The following HADHA variants were observed in gnomAD, a reference collection of about 807,000 sequenced individuals.
HADHA encodes the protein trifunctional enzyme subunit alpha, mitochondrial.
HADHA carries 59 observed loss-of-function variants against 91.3 expected under a neutral mutation model. The ratio of observed to expected loss-of-function variants is 0.65; its 90% CI spans 0.52 to 0.80. HADHA has a LOEUF of 0.80. Among genes scored for constraint, HADHA ranks in the 30% least tolerant of loss-of-function variants. The pLI, the probability that HADHA is intolerant of heterozygous loss-of-function variation, is 0.00. For synonymous variants in HADHA, 320 were observed against 338.9 expected, an observed-to-expected ratio of 0.94 and a Z score of 0.61; for missense variants, 800 against 927.6, an observed-to-expected ratio of 0.86 and a Z score of 1.79.
chr2:26,238,297 C>A (rs1408076771), intron 3 of HADHA, among the ~76,000 whole-genome samples: 1 of 152,086 alleles, frequency 6.6e-6, no homozygotes, highest in Admixed American at 6.5e-5. Context: ...AGCCACAGTG[C>A]CCAGCCTGGC....
chr2:26,200,503 C>T (rs1669801028), intron 13 of HADHA, among the ~76,000 whole-genome samples: 1 of 152,194 alleles, frequency 6.6e-6, no homozygotes, highest in Non-Finnish European at 1.5e-5. Context: ...TTCCCTATTT[C>T]CTTTGCAGCC....
intron 11 of HADHA, among the ~76,000 whole-genome samples, chr2:26,205,670 G>A (rs1669954354): frequency 6.6e-6 from 1 of 152,116 alleles, no homozygotes; most frequent in African/African-American, 2.4e-5. Flanking sequence ...TGGGTTTGGT[G>A]GTGTGCACCT....
At chr2:26,195,406 AG>A (rs899165617) in intron 14 of HADHA, among the ~76,000 whole-genome samples, 174 bp from the exon 15 acceptor site, 20 of 152,106 alleles carry the variant, frequency 1.3e-4, no homozygotes, top group African/African-American at 4.6e-4. Context: ...TAGTATGTTT[AG>A]GGAGAGCACA....
At chr2:26,237,185 C>T (rs543840360) in intron 3 of HADHA, among the ~76,000 whole-genome samples, 197 bp from the exon 4 acceptor site, 7 of 152,146 alleles carry the variant, frequency 4.6e-5, no homozygotes, top group Non-Finnish European at 7.3e-5. Flanking sequence ...TACAAGCACC[C>T]CTTCCTTTAA....
intron 7 of HADHA, among the ~76,000 whole-genome samples, chr2:26,224,526 T>C (rs1670443921): frequency 6.6e-6 from 1 of 152,244 alleles, no homozygotes; most frequent in South Asian, 2.1e-4. Flanking sequence ...TAATATAAGA[T>C]GTATCCATAA....
chr2:26,200,735 CTT>C (rs11347603), intron 13 of HADHA, among the ~76,000 whole-genome samples: 420 of 138,802 alleles, frequency 3.0e-3, no homozygotes, highest in Middle Eastern at 7.1e-3. Context: ...AACAAAAAGT[CTT>C]TTTTTTTTTT....
chr2:26,214,361 T>C lies in HADHA; in HGVS notation c.918+82A>G, dbSNP rs17040329. The C allele has an allele frequency of 9.2e-4, 735 of 799,954 alleles. 3 individuals are homozygous for C. The African/African-American group carries it at 0.01, about 11-fold the overall frequency. The allele number at this position is 799,954 out of a possible 1,614,324, so 49.6% of individuals were successfully genotyped here. ...TAAGAAATTTAGTACTCAACATACA[T>C]GGTCCAGAATGGCAATAAGGAGGAG... On this transcript the variant is annotated intron_variant, in intron 9 of 19. Transcript: ENST00000380649. The surrounding 1 kb of genome is among the most constrained non-coding windows in gnomAD (Gnocchi z 4.1).
chr2:26,219,013 A>AAG, intron 7 of HADHA, among the ~76,000 whole-genome samples: 1 of 150,382 alleles, frequency 6.6e-6, no homozygotes, highest in African/African-American at 2.4e-5. Context: ...TCTCAAAAAA[A>AAG]AAAAAAAAAA....
rs1669483366 is a variant in HADHA at position 26,191,137 on chromosome 2, T to C, written c.*113A>G. 5.6e-6 allele frequency: 6 copies of C among 1,062,176 alleles called. No homozygotes were observed. The South Asian group carries it at 7.9e-5, about 14-fold the overall frequency. The allele number at this position is 1,062,176 out of a possible 1,614,324, so 65.8% of individuals were successfully genotyped here. A position where few individuals can be genotyped will look rare whatever the true frequency, so the allele number is the denominator to read the frequency against. ...CACTTTAATCAGGGAGCAAACCCAG[T>C]GCCGGAGTTTGTCTTCTCGTTACTC... On this transcript the variant is annotated 3_prime_UTR_variant, in exon 20 of 20. Coordinates refer to ENST00000380649, the MANE Select transcript of HADHA (RefSeq NM_000182.5).
At chr2:26,222,809 G>A (rs376247221) in intron 7 of HADHA, among the ~76,000 whole-genome samples, 20 of 152,080 alleles carry the variant, frequency 1.3e-4, no homozygotes, top group Admixed American at 4.6e-4. Context: ...CTACATCACC[G>A]GGAAGCAGTT....
rs17549879 is a variant in HADHA, at chr2:26,194,494, T to A, written c.1689+76A>T. On this transcript the variant is annotated intron_variant, in intron 16 of 19. Transcript: ENST00000380649. Reference sequence around the variant, plus strand: ...GGTGTATCAGAAGGAAGCTTGGTCCTTATCTTGACATCATGAGTTTTAGAG... The same window carrying A: ...GGTGTATCAGAAGGAAGCTTGGTCCATATCTTGACATCATGAGTTTTAGAG... The A allele has an allele frequency of 1.6e-3, 1,490 of 937,800 alleles. 20 individuals carry two copies. In the East Asian group the frequency reaches 0.03, roughly 19 times the overall value. The allele number at this position is 937,800 out of a possible 1,614,324, so 58.1% of individuals were successfully genotyped here.
chr2:26,198,376 T>TG (rs1474793906), intron 13 of HADHA, among the ~76,000 whole-genome samples: 6 of 151,342 alleles, frequency 4.0e-5, no homozygotes, highest in Admixed American at 2.0e-4. Flanking sequence ...CATGTTTTTT[T>TG]TTTGTTTTTT....
chr2:26,223,148 A>G (rs1670412956), intron 7 of HADHA, among the ~76,000 whole-genome samples: 1 of 152,150 alleles, frequency 6.6e-6, no homozygotes, highest in Non-Finnish European at 1.5e-5. Context: ...CAATGATTCT[A>G]CTGAACTGTT....
intron 17 of HADHA, 38 bp from the exon 18 acceptor site, chr2:26,192,462 C>G: frequency 9.1e-7 from 1 of 1,097,924 alleles, no homozygotes; most frequent in Non-Finnish European, 1.4e-6. Flanking sequence ...ACTATTTGTT[C>G]TCAGGGAGGG....
chr2:26,215,385 G>A (rs955794744), intron 7 of HADHA, among the ~76,000 whole-genome samples: 18 of 152,092 alleles, frequency 1.2e-4, no homozygotes, highest in African/African-American at 4.1e-4. Context: ...TAGAAAACGC[G>A]GTCTTTAACT....
In HADHA at chr2:26,190,846, C is replaced by T. The variant is rs192162740; in HGVS notation, c.*404G>A. 3.1e-5 allele frequency: 9 copies of T among 287,892 alleles called. No individual in the cohort carries two copies. The highest frequency in any genetic ancestry group is 1.4e-4 in the Admixed American group (3 of 20,866). The allele number at this position is 287,892 out of a possible 1,614,324, so 17.8% of individuals were successfully genotyped here. On this transcript the variant is annotated 3_prime_UTR_variant, in exon 20 of 20. Coordinates refer to ENST00000380649, the MANE Select transcript of HADHA (RefSeq NM_000182.5). Reference sequence around the variant, plus strand: ...CTTCCAGATTGCTTTTTGAAGGAGGCGTTTAAACCAGAAGGGCAAAGATGC... The same window carrying T: ...CTTCCAGATTGCTTTTTGAAGGAGGTGTTTAAACCAGAAGGGCAAAGATGC...
intron 11 of HADHA, among the ~76,000 whole-genome samples, chr2:26,206,254 G>GT (rs1403452245): frequency 6.8e-6 from 1 of 147,448 alleles, no homozygotes; most frequent in Non-Finnish European, 1.5e-5. Context: ...TTAAGATGGA[G>GT]TTTCACTCTT....
intron 1 of HADHA, among the ~76,000 whole-genome samples, chr2:26,240,581 C>A (rs1385471421): frequency 6.6e-6 from 1 of 152,010 alleles, no homozygotes; most frequent in African/African-American, 2.4e-5. Flanking sequence ...CCAAGAAACA[C>A]AAATATGTTA....
chr2:26,211,819 G>A (rs901229749), intron 10 of HADHA: 1 of 152,180 alleles, frequency 6.6e-6, no homozygotes, highest in African/African-American at 2.4e-5. Flanking sequence ...TTCTGTCTTC[G>A]TCTTTTAGTG....
Sources: allele counts gnomAD v4.1 joint callset (sites outside exome capture counted in the v4.1 genomes callset), GRCh38; gene constraint gnomAD v4.1.1; non-coding constraint Gnocchi (gnomAD v3.1); transcripts MANE v1.5; gene names NCBI Gene and HGNC (gene_info 2026-07-23, HGNC 2026-07-21).